SAMD5: variants seen among roughly 807,000 people sequenced by gnomAD.
SAMD5 encodes sterile alpha motif domain-containing protein 5.
Under a neutral mutation model 11.3 loss-of-function variants are expected in SAMD5, and 13 were observed. The ratio of observed to expected loss-of-function variants is 1.15; its 90% confidence interval spans 0.75 to 1.83. The LOEUF (loss-of-function observed/expected upper bound fraction) is 1.83. Ranked by LOEUF, SAMD5 falls within the 40% of genes most tolerant of loss-of-function variation. The probability of loss-of-function intolerance (pLI) is 0.00; values close to 1 mark genes in which losing one functional copy is unlikely to be tolerated. For synonymous variants in SAMD5, 129 were observed against 111.3 expected, an observed-to-expected ratio of 1.16 and a Z score of -1.00; for missense variants, 255 against 239.1, an observed-to-expected ratio of 1.07 and a Z score of -0.44.
chr6:147,518,538 A>G (rs1788206273), intron 1 of SAMD5, among the ~76,000 whole-genome samples: 2 of 152,218 alleles, frequency 1.3e-5, no homozygotes, highest in South Asian at 4.1e-4. Flanking sequence ...TTCCTGAAGT[A>G]AGGCGAGTCA....
intron 1 of SAMD5, among the ~76,000 whole-genome samples, chr6:147,600,889 A>T (rs1789605070): frequency 6.6e-6 from 1 of 152,226 alleles, no homozygotes; most frequent in Non-Finnish European, 1.5e-5. Flanking sequence ...CTGCTGTAGC[A>T]GTTCTACCCT....
At chr6:147,546,693 T>C (rs1788693145) in intron 1 of SAMD5, among the ~76,000 whole-genome samples, 1 of 152,162 alleles carries the variant, frequency 6.6e-6, no homozygotes, top group African/African-American at 2.4e-5. Context: ...TCAAATGGCA[T>C]TAGATGAATA....
At chr6:147,684,444 G>C (rs1248585019) in intron 1 of SAMD5, among the ~76,000 whole-genome samples, 1 of 152,114 alleles carries the variant, frequency 6.6e-6, no homozygotes, top group African/African-American at 2.4e-5. Context: ...ACCTACATAT[G>C]CCTTTCTGTT....
At chr6:147,815,273 C>G in the SAMD5 span, among the ~76,000 whole-genome samples, 61 of 152,224 alleles carry the variant, frequency 4.0e-4, no homozygotes, top group Non-Finnish European at 7.8e-4. Context: ...TTGGCTCAAT[C>G]AGCCATTCAT....
the SAMD5 span, among the ~76,000 whole-genome samples, chr6:147,747,402 G>A: frequency 6.6e-6 from 1 of 152,244 alleles, no homozygotes; most frequent in Non-Finnish European, 1.5e-5. Context: ...AAATGGGGAT[G>A]GTGAAGATGG....
At position 147,656,750 on chromosome 6, in the gene SAMD5, T is replaced by C. The variant is rs146279013; in HGVS notation, c.163-80567T>C. Among the ~76,000 whole-genome samples the C allele has an allele frequency of 3.5e-3, 539 of 152,298 alleles. 1 individual carries two copies. The highest frequency in any genetic ancestry group is 0.012 in the African/African-American group (517 of 41,578). The stretch of plus-strand genomic sequence containing the variant: ...GGATGTAAGGAAATAGGAGCTCTCC[T>C]ACACTGCTGGTGGGAATAGCAAATG... On this transcript the variant is annotated intron_variant, in intron 1 of 1. Transcript: ENST00000566741.
At chr6:147,933,502 G>A in the SAMD5 span, among the ~76,000 whole-genome samples, 3 of 152,278 alleles carry the variant, frequency 2.0e-5, no homozygotes, top group Non-Finnish European at 4.4e-5. Flanking sequence ...CTAGGGAATA[G>A]GGAAGTGGAA....
intron 1 of SAMD5, among the ~76,000 whole-genome samples, chr6:147,655,067 T>C (rs1471696716): frequency 6.6e-6 from 1 of 152,210 alleles, no homozygotes; most frequent in Admixed American, 6.5e-5. Flanking sequence ...ATTTTTGCTC[T>C]TTCCCTCTGT....
chr6:147,871,355 A>G, the SAMD5 span, among the ~76,000 whole-genome samples: 1 of 152,318 alleles, frequency 6.6e-6, no homozygotes, highest in African/African-American at 2.4e-5. Context: ...ATAAAACTAT[A>G]AAAACTATAC....
intron 1 of SAMD5, among the ~76,000 whole-genome samples, chr6:147,725,550 A>T (rs1791614153): frequency 6.6e-6 from 1 of 152,042 alleles, no homozygotes; most frequent in South Asian, 2.1e-4. Flanking sequence ...CACCATGCCC[A>T]GCTAATTTTT....
downstream of SAMD5, among the ~76,000 whole-genome samples, chr6:147,573,071 TTA>T (rs1393120459): frequency 1.3e-5 from 2 of 152,200 alleles, no homozygotes; most frequent in Admixed American, 1.3e-4. Context: ...TCTGCAGTCA[TTA>T]TGTGTCTTGT....
intron 1 of SAMD5, among the ~76,000 whole-genome samples, chr6:147,722,338 T>C (rs963001559): frequency 4.6e-5 from 7 of 151,100 alleles, no homozygotes; most frequent in South Asian, 2.2e-4. Context: ...ACAGACACCA[T>C]GAAAAAAGCA....
chr6:147,515,175 G>A (rs1219873706), intron 1 of SAMD5, among the ~76,000 whole-genome samples: 2 of 115,794 alleles, frequency 1.7e-5, no homozygotes, highest in East Asian at 5.6e-4. Flanking sequence ...TATCCTTCCA[G>A]GTTTTTTTTT....
At chr6:147,609,575 A>C (rs547980380) in intron 1 of SAMD5, among the ~76,000 whole-genome samples, 1 of 152,240 alleles carries the variant, frequency 6.6e-6, no homozygotes, top group East Asian at 1.9e-4. Flanking sequence ...TTTGAGACGG[A>C]ATCTCACCCT....
chr6:147,717,189 C>T (rs1349393019), intron 1 of SAMD5, among the ~76,000 whole-genome samples: 2 of 152,218 alleles, frequency 1.3e-5, no homozygotes, highest in Admixed American at 6.5e-5. Flanking sequence ...AGATGCTCAA[C>T]AACTGTTGGT....
At chr6:147,752,696 C>T in the SAMD5 span, among the ~76,000 whole-genome samples, 1 of 152,236 alleles carries the variant, frequency 6.6e-6, no homozygotes, top group African/African-American at 2.4e-5. Flanking sequence ...ATTATATTTA[C>T]ATATTCTGGA....
chr6:147,649,178 A>G (rs1020657636), intron 1 of SAMD5, among the ~76,000 whole-genome samples: 8 of 152,318 alleles, frequency 5.3e-5, no homozygotes, highest in African/African-American at 1.9e-4. Flanking sequence ...TGCCTGCATA[A>G]TCTGGCATTC....
the SAMD5 span, among the ~76,000 whole-genome samples, chr6:147,808,604 C>T: frequency 2.0e-5 from 3 of 152,114 alleles, no homozygotes; most frequent in Non-Finnish European, 4.4e-5. Flanking sequence ...TAAGAATTAA[C>T]TTTGTTTCTT....
At chr6:147,577,197 G>A (rs9322102) in intron 1 of SAMD5, among the ~76,000 whole-genome samples, 94,368 of 151,980 alleles carry the variant, frequency 0.62, 29,469 homozygotes, top group South Asian at 0.73. Context: ...AGCTAACATC[G>A]TCTATACTTT....
Sources: gnomAD v4.1 joint callset for allele counts (sites outside exome capture counted in the v4.1 genomes callset) on GRCh38, gnomAD v4.1.1 for gene constraint, MANE v1.5 for transcripts, NCBI Gene and HGNC (gene_info 2026-07-23, HGNC 2026-07-21) for gene names.